The following WWOX variants were observed in gnomAD, a reference collection of about 807,000 sequenced individuals.
WWOX encodes WW domain-containing oxidoreductase.
WWOX carries 69 observed loss-of-function variants against 46.2 expected under a neutral mutation model. The observed-to-expected ratio is 1.49, with a 90% CI of 1.23 to 1.82. The LOEUF (loss-of-function observed/expected upper bound fraction) is 1.82, where lower values mean the gene tolerates loss of function less well. Ranked by LOEUF, WWOX falls within the 40% of genes most tolerant of loss-of-function variation. The pLI is 0.00. For synonymous variants in WWOX, 359 were observed against 202.6 expected (o/e 1.77, Z -6.56); for missense variants, 919 against 542.6 (o/e 1.69, Z -6.89).
chr16:78,532,306 A>G (rs1220131880), intron 8 of WWOX, among the ~76,000 whole-genome samples: 1 of 152,180 alleles, frequency 6.6e-6, no homozygotes, highest in Non-Finnish European at 1.5e-5. Context: ...TTGGCAACAG[A>G]TGACTTCGGT....
chr16:78,380,014 C>T (rs1015802824), intron 5 of WWOX, among the ~76,000 whole-genome samples: 1 of 152,264 alleles, frequency 6.6e-6, no homozygotes, highest in African/African-American at 2.4e-5. Flanking sequence ...TGAATTTAGT[C>T]CTGTAAATGT....
chr16:78,302,225 T>G (rs911048200), intron 5 of WWOX, among the ~76,000 whole-genome samples: 1 of 152,168 alleles, frequency 6.6e-6, no homozygotes, highest in Non-Finnish European at 1.5e-5. Context: ...CCTCCCAAAG[T>G]GCTGGGGTTA....
intron 8 of WWOX, among the ~76,000 whole-genome samples, chr16:78,769,571 TTATTTATTTATTTTTA>T (rs1466792924): frequency 6.9e-6 from 1 of 144,120 alleles, no homozygotes; most frequent in Non-Finnish European, 1.5e-5. Flanking sequence ...ATTTATTTAT[TTATTTATTTATTTTTA>T]CCATGTCTGT....
At position 78,855,581 on chromosome 16, in the gene WWOX, A is replaced by G. The variant is rs1160215055; in HGVS notation, c.1057-356027A>G. Among the ~76,000 whole-genome samples, 6 of 152,188 alleles carry G rather than the reference A, an allele frequency of 3.9e-5. No homozygotes were observed. The East Asian group carries it at 1.2e-3, about 29-fold the overall frequency. ...GCACTTTGATGATGTTTGTGTTAAT[A>G]CTTCCTGCTCAGAGCTGTAGCCCAT... is the stretch of plus-strand genomic sequence containing the variant. On this transcript the variant is annotated intron_variant, in intron 8 of 8. Transcript: ENST00000566780.
intron 8 of WWOX, among the ~76,000 whole-genome samples, chr16:78,816,169 G>A (rs1294579306): frequency 6.6e-6 from 1 of 152,074 alleles, no homozygotes; most frequent in Non-Finnish European, 1.5e-5. Flanking sequence ...TCCCTAACTG[G>A]ACCCCCTCTG....
intron 8 of WWOX, among the ~76,000 whole-genome samples, chr16:78,991,399 G>A (rs2046883631): frequency 6.6e-6 from 1 of 152,000 alleles, no homozygotes; most frequent in Non-Finnish European, 1.5e-5. Context: ...TTTGAGGCCA[G>A]CCTGGTCAAC....
At chr16:78,557,346 C>T (rs1358812911) in intron 8 of WWOX, among the ~76,000 whole-genome samples, 1 of 152,140 alleles carries the variant, frequency 6.6e-6, no homozygotes. Flanking sequence ...GATATTATTT[C>T]TCCGCCCCCC....
At chr16:78,643,651 G>C (rs932179230) in intron 8 of WWOX, among the ~76,000 whole-genome samples, 5 of 151,994 alleles carry the variant, frequency 3.3e-5, no homozygotes, top group African/African-American at 1.2e-4. Flanking sequence ...TTTATATCTT[G>C]GCTCCTAATA....
intron 8 of WWOX, among the ~76,000 whole-genome samples, chr16:78,656,618 C>G (rs2047087103): frequency 6.6e-6 from 1 of 152,080 alleles, no homozygotes; most frequent in African/African-American, 2.4e-5. Context: ...GAAATCAGCC[C>G]TCTGATCCAA....
At chr16:78,817,434 A>T (rs2051364523) in intron 8 of WWOX, among the ~76,000 whole-genome samples, 1 of 152,052 alleles carries the variant, frequency 6.6e-6, no homozygotes, top group South Asian at 2.1e-4. Context: ...AGCTACCAAC[A>T]ATCATAAAAC....
At chr16:78,630,252 T>C (rs1257150462) in intron 8 of WWOX, among the ~76,000 whole-genome samples, 5 of 152,164 alleles carry the variant, frequency 3.3e-5, no homozygotes, top group Non-Finnish European at 5.9e-5. Flanking sequence ...ACTGTTGCTG[T>C]GTGGGAAAGA....
chr16:78,630,945 G>A (rs576156280), intron 8 of WWOX, among the ~76,000 whole-genome samples: 10 of 152,164 alleles, frequency 6.6e-5, no homozygotes, highest in Non-Finnish European at 1.3e-4. Flanking sequence ...CGAACAAACG[G>A]AGGGTGGTAT....
chr16:79,089,242 C>T (rs367756551), intron 8 of WWOX, among the ~76,000 whole-genome samples: 1 of 151,812 alleles, frequency 6.6e-6, no homozygotes, highest in African/African-American at 2.4e-5. Flanking sequence ...AGTCATCTCA[C>T]AAGATTTTTG....
At chr16:78,950,004 A>G (rs537583044) in intron 8 of WWOX, among the ~76,000 whole-genome samples, 31 of 152,330 alleles carry the variant, frequency 2.0e-4, no homozygotes, top group Non-Finnish European at 3.5e-4. Context: ...AGATGAGAGG[A>G]CTGAGGCTTG....
intron 8 of WWOX, among the ~76,000 whole-genome samples, chr16:78,786,453 A>G (rs907692245): frequency 6.6e-6 from 1 of 152,188 alleles, no homozygotes; most frequent in Non-Finnish European, 1.5e-5. Flanking sequence ...AATGTAGTAA[A>G]ACAATTTAGA....
chr16:78,854,424 A>G (rs150940667), intron 8 of WWOX, among the ~76,000 whole-genome samples: 2 of 152,238 alleles, frequency 1.3e-5, no homozygotes, highest in African/African-American at 2.4e-5. Flanking sequence ...AGTTCAGGAG[A>G]TGAAGACTGT....
At chr16:78,415,342 T>C (rs1413444985) in intron 6 of WWOX, among the ~76,000 whole-genome samples, 24 of 152,214 alleles carry the variant, frequency 1.6e-4, no homozygotes, top group Admixed American at 1.6e-3. Flanking sequence ...CCAAATGTCG[T>C]TGCCATCTTT....
At position 78,559,068 on chromosome 16, in the gene WWOX, C is replaced by T. The variant is rs79285108; in HGVS notation, c.1056+126316C>T. Among the ~76,000 whole-genome samples the T allele has an allele frequency of 4.4e-3, 664 of 152,296 alleles. 6 individuals are homozygous for T. The highest frequency in any genetic ancestry group is 0.015 in the African/African-American group (604 of 41,554). On this transcript the variant is annotated intron_variant, in intron 8 of 8. Coordinates refer to ENST00000566780, the MANE Select transcript of WWOX (RefSeq NM_016373.4). ...CGCTACGTGGAAGGACACATAGTTC[C>T]GTCTGGCTTGGAGCCTAGCTTGGGA...
intron 8 of WWOX, among the ~76,000 whole-genome samples, chr16:78,776,771 G>C (rs927403107): frequency 6.6e-6 from 1 of 152,144 alleles, no homozygotes; most frequent in African/African-American, 2.4e-5. Flanking sequence ...ATGGCGGCAG[G>C]CAAGAGGGGC....
Sources: allele counts gnomAD v4.1 joint callset (sites outside exome capture counted in the v4.1 genomes callset), GRCh38; gene constraint gnomAD v4.1.1; transcripts MANE v1.5; gene names NCBI Gene and HGNC (gene_info 2026-07-23, HGNC 2026-07-21).